The following KLB variants were observed in gnomAD, a reference collection of about 807,000 sequenced individuals.
The protein encoded by KLB is klotho beta, also known as beta-klotho.
KLB carries 44 observed loss-of-function variants against 88.4 expected under a neutral mutation model. The ratio of observed to expected loss-of-function variants is 0.50; its 90% CI spans 0.39 to 0.64. KLB has a LOEUF of 0.64. Among genes scored for constraint, KLB ranks in the 30% least tolerant of loss-of-function variants. The pLI, the probability that KLB is intolerant of heterozygous loss-of-function variation, is 0.00. For synonymous variants in KLB, 548 were observed against 513.4 expected, an observed-to-expected ratio of 1.07 and a Z score of -0.91; for missense variants, 1,137 against 1,304.8, an observed-to-expected ratio of 0.87 and a Z score of 1.98.
At chr4:39,415,651 T>C (rs1742949447) in intron 1 of KLB, among the ~76,000 whole-genome samples, 1 of 152,202 alleles carries the variant, frequency 6.6e-6, no homozygotes, top group Non-Finnish European at 1.5e-5. Flanking sequence ...AAAATATTTA[T>C]TCTATTAATG....
At chr4:39,430,654 A>G (rs1289938791) in intron 1 of KLB, among the ~76,000 whole-genome samples, 1 of 139,442 alleles carries the variant, frequency 7.2e-6, no homozygotes, top group Non-Finnish European at 1.5e-5. Context: ...AGGCTGGAGT[A>G]CAGCGACTCA....
chr4:39,438,136 A>C, intron 3 of KLB, 141 bp downstream of exon 3: 1 of 786,380 alleles, frequency 1.3e-6, no homozygotes, highest in Non-Finnish European at 2.0e-6. Context: ...GAGCTAGGGA[A>C]AGAGAAGGGA....
rs1743430199 is a variant in KLB at position 39,434,568 on chromosome 4, A to G, written c.1184A>G (p.Asn395Ser). 1 of 1,614,068 alleles carries G rather than the reference A, an allele frequency of 6.2e-7. No homozygotes were observed. ...MAKMGQNVSL[N>S]LREALNWIKL... ...AAAATGGGACAAAATGTTTCACTTA[A>G]TTTAAGAGAAGCGCTGAACTGGATT... is the stretch of plus-strand genomic sequence containing the variant. The change falls in exon 2 of 5, where the codon AAT becomes AGT. Residue 395 changes from asparagine (N) to serine (S), a missense_variant. Asn to Ser is a conservative substitution (Grantham distance 46, BLOSUM62 1). Coordinates refer to ENST00000257408, the MANE Select transcript of KLB (RefSeq NM_175737.4).
chr4:39,440,099 C>G (rs903041894), intron 3 of KLB, among the ~76,000 whole-genome samples: 1 of 151,776 alleles, frequency 6.6e-6, no homozygotes, highest in Non-Finnish European at 1.5e-5. Context: ...CCACCATGCC[C>G]GCTTTTTGTT....
intron 1 of KLB, among the ~76,000 whole-genome samples, chr4:39,429,359 C>A (rs1026246411): frequency 1.3e-5 from 2 of 152,212 alleles, no homozygotes; most frequent in Non-Finnish European, 2.9e-5. Flanking sequence ...CCTTCTTCAT[C>A]TATTTCTAAA....
intron 1 of KLB, among the ~76,000 whole-genome samples, chr4:39,431,089 GTA>G (rs138315758): frequency 3.2e-4 from 25 of 77,084 alleles, no homozygotes; most frequent in South Asian, 5.8e-4. Flanking sequence ...GCTAATTTTT[GTA>G]TTTTTTTTTT....
chr4:39,445,159 T>C (rs979398762), intron 3 of KLB, among the ~76,000 whole-genome samples: 2 of 152,214 alleles, frequency 1.3e-5, no homozygotes, highest in African/African-American at 4.8e-5. Flanking sequence ...TGTGTTTGTA[T>C]AGCGCTTTAG....
intron 3 of KLB, among the ~76,000 whole-genome samples, chr4:39,444,358 A>G (rs1029250489): frequency 6.6e-6 from 1 of 151,732 alleles, no homozygotes; most frequent in African/African-American, 2.4e-5. Flanking sequence ...AGTCAATGGG[A>G]CCCCCTCAAG....
Position 39,434,527 on chromosome 4 carries a change from C to T in KLB, c.1143C>T (p.Pro381=). The change falls in exon 2 of 5, where the codon CCC becomes CCT. Residue 381 remains proline, a synonymous_variant. Transcript: ENST00000257408. ...CTTTTGGACCCAACAACTTCAAGCC[C>T]CTAAACACCATGGCTAAAATGGGAC... ...AFSFGPNNFK[P]LNTMAKMGQN... 6.2e-7 allele frequency: 1 copy of T among 1,614,110 alleles called. No individual in the cohort carries two copies. The highest frequency in any genetic ancestry group is 8.5e-7 in the Non-Finnish European group (1 of 1,180,026).
At chr4:39,411,776 ATGAGTT>A (rs1387407206) in intron 1 of KLB, 1 of 152,240 alleles carries the variant, frequency 6.6e-6, no homozygotes, top group African/African-American at 2.4e-5. Context: ...CCCAGAGCCT[ATGAGTT>A]TGAGACCAAC....
chr4:39,434,724 G>T lies in KLB; in HGVS notation c.1336+4G>T. On this transcript the variant is annotated splice_donor_region_variant and intron_variant, in intron 2 of 4. Coordinates refer to ENST00000257408, the MANE Select transcript of KLB (RefSeq NM_175737.4). ...TTCCTCAGCCAGGTGCTTCAAGGTT[G>T]GTTGTACACTTGCTTAATTTTTTAA... 1.3e-6 allele frequency: 2 copies of T among 1,584,224 alleles called. No individual in the cohort carries two copies. Among genetic ancestry groups the T allele is most frequent in the Non-Finnish European group, 1.7e-6 (2 of 1,169,128 alleles).
rs1381516129 is a variant in KLB at position 39,451,307 on chromosome 4, C to G, written c.*2621C>G. 6.6e-6 allele frequency: 1 copy of G among 152,178 alleles called. No homozygotes were observed. The highest frequency in any genetic ancestry group is 1.5e-5 in the Non-Finnish European group (1 of 68,034). The allele number at this position is 152,178 out of a possible 1,614,324, so 9.4% of individuals were successfully genotyped here. ...AAAGGTCAACCAGAAACTGATAACT[C>G]TTGAAAGGAGCAAACAGGTAAGATC... On this transcript the variant is annotated 3_prime_UTR_variant, in exon 5 of 5. Transcript: ENST00000257408.
chr4:39,419,735 C>T (rs993052795), intron 1 of KLB, among the ~76,000 whole-genome samples: 1 of 149,258 alleles, frequency 6.7e-6, no homozygotes, highest in African/African-American at 2.5e-5. Context: ...AAGATCGCAC[C>T]ACTGCACTCC....
chr4:39,434,046 A>G (rs1176244826), intron 1 of KLB, among the ~76,000 whole-genome samples, 164 bp from the exon 2 acceptor site: 1 of 152,108 alleles, frequency 6.6e-6, no homozygotes, highest in African/African-American at 2.4e-5. Flanking sequence ...TGGAAGCACT[A>G]GGGGCATAGA....
chr4:39,413,735 A>T (rs6842549), intron 1 of KLB, among the ~76,000 whole-genome samples: 46,745 of 151,544 alleles, frequency 0.31, 7,389 homozygotes, highest in African/African-American at 0.38. Context: ...GGAAAAAAAA[A>T]AAATAAATAA....
At position 39,446,701 on chromosome 4, in the gene KLB, G is replaced by C. The variant is rs1341784063; in HGVS notation, c.1975G>C (p.Asp659His). Residue 659 changes from aspartate (D) to histidine (H), a missense_variant, in exon 4 of 5, where the codon GAC becomes CAC. Physicochemically the swap from Asp to His is moderately conservative, Grantham distance 81 (BLOSUM62 -1). This residue lies in a region of KLB where 597 missense variants were observed against 765.2 expected (regional missense o/e 0.78). Transcript: ENST00000257408. This position sits in a 1 kb window ranked among gnomAD's most constrained non-coding sequence, Gnocchi z 6.4. ...LGLPEPLLHA[D>H]GWLNPSTAEA... ...CCTCCCCGAGCCTCTGTTGCATGCC[G>C]ACGGGTGGCTGAACCCATCGACGGC... 1 of 1,610,082 alleles carries C rather than the reference G, an allele frequency of 6.2e-7. No individual in the cohort carries two copies. The highest frequency in any genetic ancestry group is 1.3e-5 in the African/African-American group (1 of 74,870).
intron 3 of KLB, among the ~76,000 whole-genome samples, chr4:39,438,261 T>C (rs905551004): frequency 1.3e-5 from 2 of 152,218 alleles, no homozygotes; most frequent in Non-Finnish European, 2.9e-5. Flanking sequence ...AGAGGGAACT[T>C]ACTGTCATTT....
chr4:39,442,715 G>A (rs1381668020), intron 3 of KLB, among the ~76,000 whole-genome samples: 2 of 152,008 alleles, frequency 1.3e-5, no homozygotes, highest in Non-Finnish European at 2.9e-5. Flanking sequence ...TTACAGGCGT[G>A]AACCACTGCA....
intron 3 of KLB, among the ~76,000 whole-genome samples, chr4:39,445,692 T>TTTG (rs1259572982): frequency 3.4e-5 from 5 of 148,630 alleles, no homozygotes; most frequent in Admixed American, 1.3e-4. Context: ...TTGTTTTTTT[T>TTTG]TTTTTTTTTA....
Sources: gnomAD v4.1 joint callset for allele counts (sites outside exome capture counted in the v4.1 genomes callset) on GRCh38, gnomAD v4.1.1 for gene constraint, gnomAD v4.1.1 regional missense constraint, Gnocchi (gnomAD v3.1) non-coding constraint, MANE v1.5 for transcripts, NCBI Gene and HGNC (gene_info 2026-07-23, HGNC 2026-07-21) for gene names.